The following MAD1L1 variants were observed in gnomAD, a reference collection of about 807,000 sequenced individuals.
MAD1L1 encodes mitotic spindle assembly checkpoint protein MAD1.
In MAD1L1, 95 loss-of-function variants were observed where a neutral mutation model predicts 96.9. That is an observed-to-expected ratio of 0.98 (90% CI 0.83 to 1.16). MAD1L1 has a LOEUF of 1.16. Ranked by LOEUF, MAD1L1 falls within the 50% of genes most tolerant of loss-of-function variation. The pLI, the probability that MAD1L1 is intolerant of heterozygous loss-of-function variation, is 0.00. For synonymous variants in MAD1L1, 473 were observed against 396.6 expected (o/e 1.19, Z -2.29); for missense variants, 1,007 against 954.4 (o/e 1.06, Z -0.73).
intron 11 of MAD1L1, among the ~76,000 whole-genome samples, chr7:2,111,719 C>A (rs1787391677): frequency 6.6e-6 from 1 of 152,204 alleles, no homozygotes; most frequent in Non-Finnish European, 1.5e-5. Flanking sequence ...GCCCACACAG[C>A]CCTGTGGGGG....
rs1793470260 is a variant in MAD1L1, at chr7:2,219,435, TC to T, written c.492del (p.Arg165GlyfsTer9). On this transcript the variant is annotated frameshift_variant, in exon 6 of 19. Transcript: ENST00000265854. LOFTEE classifies it high-confidence loss of function. ...QAGETINALK[G>X]RISELQWSVM... is the part of the protein sequence containing the mutation. Reference sequence around the variant, plus strand: ...ACGCTCCACTGCAGTTCCGAGATCCTCCCCTTCAGTGCGTTGATGGTCTAAA... The same window carrying T: ...ACGCTCCACTGCAGTTCCGAGATCCTCCCTTCAGTGCGTTGATGGTCTAAA... The T allele has an allele frequency of 6.2e-7, 1 of 1,613,426 alleles. No homozygotes were observed. The highest frequency in any genetic ancestry group is 2.2e-5 in the East Asian group (1 of 44,858).
chr7:2,217,704 T>C (rs1793366203), intron 7 of MAD1L1, among the ~76,000 whole-genome samples: 1 of 152,224 alleles, frequency 6.6e-6, no homozygotes, highest in East Asian at 1.9e-4. Flanking sequence ...GCACTTGACG[T>C]CATCACACAC....
chr7:2,217,028 C>G (rs896916487), intron 7 of MAD1L1, among the ~76,000 whole-genome samples: 1 of 152,144 alleles, frequency 6.6e-6, no homozygotes, highest in African/African-American at 2.4e-5. Context: ...CACCACCTGC[C>G]CTCGGGGAGC....
chr7:1,868,897 C>T (rs1315088185), intron 18 of MAD1L1, among the ~76,000 whole-genome samples: 1 of 152,206 alleles, frequency 6.6e-6, no homozygotes, highest in African/African-American at 2.4e-5. Context: ...CTGGCCTCTT[C>T]CCCACACGGA....
At chr7:2,022,190 C>T (rs902264268) in intron 12 of MAD1L1, among the ~76,000 whole-genome samples, 5 of 152,090 alleles carry the variant, frequency 3.3e-5, no homozygotes, top group African/African-American at 1.2e-4. Flanking sequence ...TGTGGGGTGA[C>T]GATGGTGCAG....
chr7:1,964,924 CG>C (rs987097156), intron 15 of MAD1L1, among the ~76,000 whole-genome samples: 1 of 152,214 alleles, frequency 6.6e-6, no homozygotes, highest in Admixed American at 6.5e-5. Context: ...CGAGGCCCAA[CG>C]GGCAGACAGC....
intron 11 of MAD1L1, among the ~76,000 whole-genome samples, chr7:2,094,246 G>A (rs1786360388): frequency 6.6e-6 from 1 of 152,140 alleles, no homozygotes; most frequent in Admixed American, 6.5e-5. Flanking sequence ...TCCCTAAAGG[G>A]CTCCCAGTGG....
rs116476606 is a variant in MAD1L1 at position 2,164,041 on chromosome 7, C to G, written c.987-14803G>C. On this transcript the variant is annotated intron_variant, in intron 10 of 18. Transcript: ENST00000265854. ...CTGAGCTCTCCAAACCTCAACCCCC[C>G]ACCTCAGGAAAATGGGAACAGTTAC... is the stretch of plus-strand genomic sequence containing the variant. Among the ~76,000 whole-genome samples, 538 of 152,246 alleles carry G rather than the reference C, an allele frequency of 3.5e-3. 4 individuals carry two copies. Among genetic ancestry groups the G allele is most frequent in the African/African-American group, 0.013 (530 of 41,562 alleles).
At chr7:2,059,886 T>A (rs1401614687) in intron 12 of MAD1L1, among the ~76,000 whole-genome samples, 3 of 152,036 alleles carry the variant, frequency 2.0e-5, no homozygotes, top group Non-Finnish European at 4.4e-5. Context: ...GAAGACAACA[T>A]GAAAACTGCG....
At chr7:1,935,964 C>T (rs998227669) in intron 17 of MAD1L1, among the ~76,000 whole-genome samples, 5 of 152,238 alleles carry the variant, frequency 3.3e-5, no homozygotes, top group African/African-American at 1.2e-4. Context: ...GAACCAGGAG[C>T]GTGGGGCAGT....
At chr7:2,220,940 C>T (rs777079184) in intron 5 of MAD1L1, 2 of 1,612,396 alleles carry the variant, frequency 1.2e-6, no homozygotes, top group Admixed American at 1.7e-5. Context: ...ACAGGGTCAC[C>T]CGTGTTGTAG....
chr7:1,891,419 A>C (rs149502294), intron 18 of MAD1L1, among the ~76,000 whole-genome samples: 3 of 152,116 alleles, frequency 2.0e-5, no homozygotes, highest in East Asian at 1.9e-4. Flanking sequence ...CCAGGTACTC[A>C]GGAGGCTGAG....
In MAD1L1 at chr7:1,957,737, C is replaced by G. The variant is rs745876166; in HGVS notation, c.1506-18G>C. On this transcript the variant is annotated intron_variant, in intron 15 of 18. Coordinates refer to ENST00000265854, the MANE Select transcript of MAD1L1 (RefSeq NM_001013836.2). ...CCTTCAACCTGCAAGGACAGCAAGA[C>G]GGTGACCAGGTGTCCGAGGCCAGCC... The G allele has an allele frequency of 6.2e-7, 1 of 1,613,376 alleles. No homozygotes were observed. The highest frequency in any genetic ancestry group is 1.3e-5 in the African/African-American group (1 of 74,928).
intron 15 of MAD1L1, among the ~76,000 whole-genome samples, chr7:1,967,550 G>A (rs1780218636): frequency 2.0e-5 from 3 of 152,206 alleles, no homozygotes; most frequent in African/African-American, 2.4e-5. Flanking sequence ...GGGTGTAGAA[G>A]CAGTGCCGTC....
chr7:1,970,193 G>A (rs962011095), intron 15 of MAD1L1, among the ~76,000 whole-genome samples: 1 of 152,140 alleles, frequency 6.6e-6, no homozygotes, highest in African/African-American at 2.4e-5. Flanking sequence ...CTGTGTGGCT[G>A]GGTGAATGGA....
chr7:2,192,854 C>CA (rs1245824165), intron 10 of MAD1L1, among the ~76,000 whole-genome samples: 1 of 152,106 alleles, frequency 6.6e-6, no homozygotes, highest in Non-Finnish European at 1.5e-5. Context: ...AATCAGACTT[C>CA]AAAAAACTCA....
At chr7:1,882,409 T>G (rs1043751879) in intron 18 of MAD1L1, among the ~76,000 whole-genome samples, 4 of 152,160 alleles carry the variant, frequency 2.6e-5, no homozygotes, top group Non-Finnish European at 4.4e-5. Context: ...TAGACCTCAT[T>G]GCTCCAGCGG....
intron 18 of MAD1L1, among the ~76,000 whole-genome samples, chr7:1,843,316 C>T (rs1452142926): frequency 6.6e-6 from 1 of 152,196 alleles, no homozygotes; most frequent in Non-Finnish European, 1.5e-5. Context: ...TTCCCTCCAT[C>T]TTCCACATTC....
chr7:2,129,699 T>C, intron 11 of MAD1L1, among the ~76,000 whole-genome samples: 1 of 152,184 alleles, frequency 6.6e-6, no homozygotes, highest in Non-Finnish European at 1.5e-5. Flanking sequence ...CTCGAGCTTC[T>C]GCCCAGAGAT....
Sources: gnomAD v4.1 joint callset for allele counts (sites outside exome capture counted in the v4.1 genomes callset) on GRCh38, gnomAD v4.1.1 for gene constraint, MANE v1.5 for transcripts, NCBI Gene and HGNC (gene_info 2026-07-23, HGNC 2026-07-21) for gene names.